ANKS1B: variants seen among roughly 807,000 people sequenced by gnomAD.
ANKS1B encodes ankyrin repeat and sterile alpha motif domain-containing protein 1B.
In ANKS1B, 36 loss-of-function variants were observed where a neutral mutation model predicts 148.3. That is an observed-to-expected ratio of 0.24 (90% confidence interval 0.19 to 0.32). The LOEUF is 0.32. Ranked by LOEUF, ANKS1B falls within the 10% of genes least tolerant of loss-of-function variation. The probability of loss-of-function intolerance (pLI) is 1.00; values close to 1 mark genes in which losing one functional copy is unlikely to be tolerated. For synonymous variants in ANKS1B, 542 were observed against 560.8 expected, an observed-to-expected ratio of 0.97 and a Z score of 0.47; for missense variants, 1,157 against 1,542.6, an observed-to-expected ratio of 0.75 and a Z score of 4.19.
At position 99,453,400 on chromosome 12, in the gene ANKS1B, C is replaced by G. The variant is rs566773907; in HGVS notation, c.1439-9591G>C. ...CTTGTGTGTGTCCTCCTTCTCAGATCTCTTGCACTGAGGAAAGCAAGTAAC... is the reference window on the plus strand; with the variant it reads ...CTTGTGTGTGTCCTCCTTCTCAGATGTCTTGCACTGAGGAAAGCAAGTAAC... On this transcript the variant is annotated intron_variant, in intron 10 of 26. Coordinates refer to ENST00000683438, the MANE Select transcript of ANKS1B (RefSeq NM_001352186.2). 2.0e-5 allele frequency among the ~76,000 whole-genome samples: 3 copies of G among 152,286 alleles called. No individual in the cohort carries two copies. The East Asian group carries it at 5.8e-4, about 29-fold the overall frequency.
chr12:99,281,621 G>C (rs1252665985), intron 12 of ANKS1B, among the ~76,000 whole-genome samples: 1 of 151,972 alleles, frequency 6.6e-6, no homozygotes, highest in Non-Finnish European at 1.5e-5. Context: ...ATTTTTTTCT[G>C]GCTATACAAA....
At chr12:99,299,642 A>G (rs1258716772) in intron 12 of ANKS1B, among the ~76,000 whole-genome samples, 3 of 152,126 alleles carry the variant, frequency 2.0e-5, no homozygotes. Context: ...CAATGATCTA[A>G]TTTTCACAGT....
intron 12 of ANKS1B, among the ~76,000 whole-genome samples, chr12:99,298,134 AAAG>A (rs1260404604): frequency 6.6e-6 from 1 of 152,194 alleles, no homozygotes; most frequent in East Asian, 1.9e-4. Flanking sequence ...TGTCAGGAAT[AAAG>A]CTAACGGGAT....
At chr12:99,653,967 T>C (rs2098438054) in intron 9 of ANKS1B, among the ~76,000 whole-genome samples, 1 of 152,094 alleles carries the variant, frequency 6.6e-6, no homozygotes, top group Non-Finnish European at 1.5e-5. Context: ...TCGAACCCAT[T>C]CTTCTGATTT....
intron 17 of ANKS1B, among the ~76,000 whole-genome samples, chr12:98,973,637 TAGTC>T (rs1161562634): frequency 6.6e-6 from 1 of 152,188 alleles, no homozygotes; most frequent in Non-Finnish European, 1.5e-5. Context: ...TGTCTGCCCT[TAGTC>T]AGCCTTCTTG....
intron 1 of ANKS1B, among the ~76,000 whole-genome samples, chr12:99,888,095 T>C (rs142037491): frequency 9.8e-5 from 15 of 152,296 alleles, no homozygotes; most frequent in African/African-American, 3.4e-4. Flanking sequence ...GAAAGAGACA[T>C]AGAAGTAACA....
chr12:98,827,278 T>C (rs1264445494), intron 19 of ANKS1B, among the ~76,000 whole-genome samples: 2 of 152,172 alleles, frequency 1.3e-5, no homozygotes, highest in East Asian at 3.8e-4. Flanking sequence ...ACAGCAGGCT[T>C]TTAGAAAGCT....
chr12:99,319,521 T>C (rs2084825481), intron 12 of ANKS1B, among the ~76,000 whole-genome samples: 1 of 152,200 alleles, frequency 6.6e-6, no homozygotes, highest in African/African-American at 2.4e-5. Flanking sequence ...TTGTTTTCCA[T>C]TTGCTTGGTA....
At chr12:99,292,674 T>C (rs2154010456) in intron 12 of ANKS1B, among the ~76,000 whole-genome samples, 1 of 152,030 alleles carries the variant, frequency 6.6e-6, no homozygotes, top group East Asian at 1.9e-4. Flanking sequence ...AACTACCCCA[T>C]CAAAAAGTGG....
At chr12:99,011,480 G>C (rs1010474751) in intron 17 of ANKS1B, among the ~76,000 whole-genome samples, 2 of 152,100 alleles carry the variant, frequency 1.3e-5, no homozygotes, top group African/African-American at 4.8e-5. Context: ...ATTGATTCTA[G>C]GGTTTCAAAA....
chr12:99,930,241 T>C (rs1319788888), intron 1 of ANKS1B, among the ~76,000 whole-genome samples: 1 of 151,950 alleles, frequency 6.6e-6, no homozygotes, highest in African/African-American at 2.4e-5. Flanking sequence ...TTCCTAGGTA[T>C]TTTATTCTCT....
At chr12:99,956,330 G>A (rs1042331967) in intron 1 of ANKS1B, among the ~76,000 whole-genome samples, 2 of 149,676 alleles carry the variant, frequency 1.3e-5, no homozygotes, top group Non-Finnish European at 3.0e-5. Flanking sequence ...TGAACAAGCA[G>A]ATGGATAAAT....
chr12:98,909,696 A>G (rs2099784125), intron 17 of ANKS1B, among the ~76,000 whole-genome samples: 1 of 152,244 alleles, frequency 6.6e-6, no homozygotes, highest in African/African-American at 2.4e-5. Context: ...AGATAACTGT[A>G]GGGTCATGCT....
intron 1 of ANKS1B, among the ~76,000 whole-genome samples, chr12:99,918,768 GTTT>G (rs1353645643): frequency 1.3e-5 from 2 of 152,116 alleles, no homozygotes; most frequent in East Asian, 3.8e-4. Context: ...ATTTAATATA[GTTT>G]TTTATTATTT....
At chr12:99,590,777 G>C (rs188357358) in intron 9 of ANKS1B, among the ~76,000 whole-genome samples, 15 of 152,244 alleles carry the variant, frequency 9.9e-5, no homozygotes, top group Non-Finnish European at 1.6e-4. Context: ...TCCGAATAAG[G>C]GTTTGTAGGC....
Position 99,423,654 on chromosome 12 carries a change from G to GA in ANKS1B, c.1575+20018dup, listed in dbSNP as rs201290405. Among the ~76,000 whole-genome samples, 520 of 150,342 alleles carry GA rather than the reference G, an allele frequency of 3.5e-3. 2 individuals carry two copies. Among genetic ancestry groups the GA allele is most frequent in the African/African-American group, 7.7e-3 (315 of 41,074 alleles). ...ATACACCATGGAATATTATGCAACA[G>GA]AAAAAAAAAGGAATGAGATCATGTC... On this transcript the variant is annotated intron_variant, in intron 11 of 26. Coordinates refer to ENST00000683438, the MANE Select transcript of ANKS1B (RefSeq NM_001352186.2).
intron 9 of ANKS1B, among the ~76,000 whole-genome samples, chr12:99,583,791 A>G (rs926396630): frequency 1.4e-4 from 22 of 152,254 alleles, no homozygotes; most frequent in African/African-American, 4.8e-4. Context: ...GATAAGCAAC[A>G]GAAACAGTGT....
chr12:99,566,560 GT>G (rs2097396350), intron 9 of ANKS1B, among the ~76,000 whole-genome samples: 1 of 152,140 alleles, frequency 6.6e-6, no homozygotes, highest in Non-Finnish European at 1.5e-5. Flanking sequence ...TTAAATTCAT[GT>G]GTTGATTAGA....
intron 17 of ANKS1B, among the ~76,000 whole-genome samples, chr12:98,891,385 G>T (rs1039591447): frequency 6.6e-6 from 1 of 151,016 alleles, no homozygotes; most frequent in Non-Finnish European, 1.5e-5. Flanking sequence ...AAAAAAAAAA[G>T]AACTCAGCTT....
Sources: allele counts gnomAD v4.1 joint callset (sites outside exome capture counted in the v4.1 genomes callset), GRCh38; gene constraint gnomAD v4.1.1; transcripts MANE v1.5; gene names NCBI Gene and HGNC (gene_info 2026-07-23, HGNC 2026-07-21).